TMX1: variants seen among roughly 807,000 people sequenced by gnomAD.
TMX1 encodes the protein thioredoxin related transmembrane protein 1, also known as thioredoxin-related transmembrane protein 1.
TMX1 carries 25 observed loss-of-function variants against 36.6 expected under a neutral mutation model. That is an observed-to-expected ratio of 0.68 (90% CI 0.50 to 0.95). The LOEUF (loss-of-function observed/expected upper bound fraction) is 0.95, where lower values mean the gene tolerates loss of function less well. Among genes scored for constraint, TMX1 ranks in the 40% least tolerant of loss-of-function variants. The probability of loss-of-function intolerance (pLI) is 0.00; values close to 1 mark genes in which losing one functional copy is unlikely to be tolerated. For synonymous variants in TMX1, 133 were observed against 118.0 expected (o/e 1.13, Z -0.82); for missense variants, 347 against 339.6 (o/e 1.02, Z -0.17).
chr14:51,256,174 T>A lies in TMX1; in HGVS notation c.*1655T>A, dbSNP rs775078395. The A allele has an allele frequency of 1.3e-5, 2 of 152,510 alleles. No homozygotes were observed. The highest frequency in any genetic ancestry group is 2.9e-5 in the Non-Finnish European group (2 of 67,986). The allele number at this position is 152,510 out of a possible 1,614,324, so 9.4% of individuals were successfully genotyped here. On this transcript the variant is annotated 3_prime_UTR_variant, in exon 8 of 8. Coordinates refer to ENST00000457354, the MANE Select transcript of TMX1 (RefSeq NM_030755.5). Reference sequence around the variant, plus strand: ...GATATGTGTAATCAAAAGACTGCCTTCTTTTTCTATTGAGATGTTTAAGGA... The same window carrying A: ...GATATGTGTAATCAAAAGACTGCCTACTTTTTCTATTGAGATGTTTAAGGA...
intron 7 of TMX1, among the ~76,000 whole-genome samples, chr14:51,250,012 A>G (rs1266834473): frequency 6.6e-6 from 1 of 152,232 alleles, no homozygotes; most frequent in Admixed American, 6.5e-5. Flanking sequence ...AACATTGCAT[A>G]TAGCATGTAG....
chr14:51,241,953 C>T (rs1044611829), intron 1 of TMX1, among the ~76,000 whole-genome samples: 9 of 152,160 alleles, frequency 5.9e-5, no homozygotes, highest in Non-Finnish European at 1.3e-4. Context: ...CACGGTGAAA[C>T]GCCGTTTGTA....
Position 51,247,156 on chromosome 14 carries a change from A to T in TMX1, c.379A>T (p.Ile127Leu), listed in dbSNP as rs1468732249. ...GACTAAGAAGGACTTCATAAACTTTATAAGTGATAAAGAGTGGAAGAGTAT... is the reference window on the plus strand; with the variant it reads ...GACTAAGAAGGACTTCATAAACTTTTTAAGTGATAAAGAGTGGAAGAGTAT... ...PRTKKDFINF[I>L]SDKEWKSIEP... Residue 127 changes from isoleucine to leucine, a missense_variant, in exon 4 of 8, where the codon ATA becomes TTA. Ile to Leu is a conservative substitution (Grantham distance 5). Coordinates refer to ENST00000457354, the MANE Select transcript of TMX1 (RefSeq NM_030755.5). The T allele has an allele frequency of 6.2e-7, 1 of 1,613,500 alleles. No individual in the cohort carries two copies. Among genetic ancestry groups the T allele is most frequent in the Non-Finnish European group, 8.5e-7 (1 of 1,179,848 alleles).
chr14:51,253,163 T>G (rs1316311759), intron 7 of TMX1, among the ~76,000 whole-genome samples: 1 of 152,190 alleles, frequency 6.6e-6, no homozygotes, highest in Non-Finnish European at 1.5e-5. Flanking sequence ...ACTATTGACG[T>G]TTTTGGCCAG....
At chr14:51,245,067 T>C (rs2065778966) in intron 2 of TMX1, among the ~76,000 whole-genome samples, 1 of 152,204 alleles carries the variant, frequency 6.6e-6, no homozygotes, top group Non-Finnish European at 1.5e-5. Flanking sequence ...TTGAAGTGTT[T>C]TTATTTAAAA....
At chr14:51,254,140 T>C in intron 7 of TMX1, 1 of 408,114 alleles carries the variant, frequency 2.5e-6, no homozygotes, top group Non-Finnish European at 4.3e-6. Flanking sequence ...CTTTGATAAC[T>C]AAAATGGCTC....
At position 51,255,180 on chromosome 14, in the gene TMX1, T is replaced by G. The variant is rs2139860360; in HGVS notation, c.*661T>G. The G allele has an allele frequency of 6.6e-6, 1 of 152,194 alleles. No individual in the cohort carries two copies. Among genetic ancestry groups the G allele is most frequent in the East Asian group, 1.9e-4 (1 of 5,190 alleles). 9.4% of individuals were successfully genotyped at this position (152,194 alleles called of 1,614,324 possible). A position where few individuals can be genotyped will look rare whatever the true frequency, so the allele number is the denominator to read the frequency against. On this transcript the variant is annotated 3_prime_UTR_variant, in exon 8 of 8. Coordinates refer to ENST00000457354, the MANE Select transcript of TMX1 (RefSeq NM_030755.5). ...ACAAAGTTTGATTTTCTCTTGTATT[T>G]TTCTTACTTACTATGGGTTACATTT... is the stretch of plus-strand genomic sequence containing the variant.
At position 51,254,410 on chromosome 14, in the gene TMX1, A is replaced by C; in HGVS notation, c.734A>C (p.Asp245Ala). The C allele has an allele frequency of 6.2e-7, 1 of 1,612,402 alleles. No homozygotes were observed. Among genetic ancestry groups the C allele is most frequent in the Non-Finnish European group, 8.5e-7 (1 of 1,179,042 alleles). The change falls in exon 8 of 8, where the codon GAT (aspartate) becomes GCT (alanine). Residue 245 changes from aspartate (D) to alanine (A), a missense_variant. By Grantham distance (126) the Asp-to-Ala change is moderately radical. Coordinates refer to ENST00000457354, the MANE Select transcript of TMX1 (RefSeq NM_030755.5). ...VEEEQEADEE[D>A]VSEEEAESKE... ...GAGGAACAAGAGGCGGATGAAGAAGATGTTTCAGAAGAAGAAGCTGAAAGT... is the reference window on the plus strand; with the variant it reads ...GAGGAACAAGAGGCGGATGAAGAAGCTGTTTCAGAAGAAGAAGCTGAAAGT...
intron 3 of TMX1, 27 bp from the exon 4 acceptor site, chr14:51,247,064 GA>G (rs767769104): frequency 2.5e-6 from 4 of 1,585,162 alleles, no homozygotes; most frequent in African/African-American, 2.7e-5. Context: ...CTCAGTGCTG[GA>G]TAATATTTAA....
intron 3 of TMX1, among the ~76,000 whole-genome samples, chr14:51,246,298 C>CT (rs1439768114): frequency 2.3e-4 from 35 of 152,066 alleles, no homozygotes; most frequent in Admixed American, 2.3e-3. Flanking sequence ...TTACCATATC[C>CT]TTTCTCCTGT....
In TMX1 at chr14:51,255,301, G is replaced by A. The variant is rs775562905; in HGVS notation, c.*782G>A. On this transcript the variant is annotated 3_prime_UTR_variant, in exon 8 of 8. Coordinates refer to ENST00000457354, the MANE Select transcript of TMX1 (RefSeq NM_030755.5). ...TGTTTCAAACTGAAGTTTACTGAGA[G>A]ATCCATCAAATTGAACAATCTGTTG... is the stretch of plus-strand genomic sequence containing the variant. The A allele has an allele frequency of 1.3e-5, 2 of 151,660 alleles. No homozygotes were observed. Among genetic ancestry groups the A allele is most frequent in the African/African-American group, 2.4e-5 (1 of 41,330 alleles). The allele number at this position is 151,660 out of a possible 1,614,324, so 9.4% of individuals were successfully genotyped here. A position where few individuals can be genotyped will look rare whatever the true frequency, so the allele number is the denominator to read the frequency against.
chr14:51,249,868 T>C, intron 7 of TMX1, 103 bp downstream of exon 7: 1 of 835,728 alleles, frequency 1.2e-6, no homozygotes, highest in Non-Finnish European at 1.8e-6. Context: ...CTTAGAATTC[T>C]AACTGTGGAT....
In TMX1 at chr14:51,256,134, C is replaced by T. The variant is rs2065837118; in HGVS notation, c.*1615C>T. On this transcript the variant is annotated 3_prime_UTR_variant, in exon 8 of 8. Transcript: ENST00000457354. Reference sequence around the variant, plus strand: ...ATGTTCAGATGAGTAGTTGTGTGTTCCTATATATGTACTTGATATGTGTAA... The same window carrying T: ...ATGTTCAGATGAGTAGTTGTGTGTTTCTATATATGTACTTGATATGTGTAA... 1 of 152,416 alleles carries T rather than the reference C, an allele frequency of 6.6e-6. No individual in the cohort carries two copies. The highest frequency in any genetic ancestry group is 2.4e-5 in the African/African-American group (1 of 41,490). 9.4% of individuals were successfully genotyped at this position (152,416 alleles called of 1,614,324 possible). A position where few individuals can be genotyped will look rare whatever the true frequency, so the allele number is the denominator to read the frequency against.
chr14:51,251,668 A>C (rs2065814325), intron 7 of TMX1, among the ~76,000 whole-genome samples: 1 of 152,118 alleles, frequency 6.6e-6, no homozygotes, highest in Admixed American at 6.5e-5. Context: ...GATTTCTCTG[A>C]GGATGTAGGT....
Position 51,246,952 on chromosome 14 carries a change from G to A in TMX1, c.315-140G>A. The A allele has an allele frequency of 6.2e-6, 4 of 642,692 alleles. No homozygotes were observed. The South Asian group carries it at 1.4e-4, about 23-fold the overall frequency. The allele number at this position is 642,692 out of a possible 1,614,324, so 39.8% of individuals were successfully genotyped here. Reference sequence around the variant, plus strand: ...CTAAAATGTCATGAGTAGGTAAATAGTATAATTTGCTATTAATACTTGTAC... The same window carrying A: ...CTAAAATGTCATGAGTAGGTAAATAATATAATTTGCTATTAATACTTGTAC... On this transcript the variant is annotated intron_variant, in intron 3 of 7. Coordinates refer to ENST00000457354, the MANE Select transcript of TMX1 (RefSeq NM_030755.5).
intron 7 of TMX1, among the ~76,000 whole-genome samples, chr14:51,253,018 AACCATAG>A (rs1404885376): frequency 1.3e-5 from 2 of 152,200 alleles, no homozygotes; most frequent in African/African-American, 2.4e-5. Flanking sequence ...GGTTAGAGAA[AACCATAG>A]TCACAATCTA....
chr14:51,249,824 T>C, intron 7 of TMX1, 59 bp downstream of exon 7: 1 of 1,311,316 alleles, frequency 7.6e-7, no homozygotes, highest in South Asian at 1.3e-5. Context: ...ATTTCTGTAA[T>C]CACAATCACA....
At chr14:51,246,432 C>T (rs147538757) in intron 3 of TMX1, among the ~76,000 whole-genome samples, 7 of 152,148 alleles carry the variant, frequency 4.6e-5, no homozygotes, top group Non-Finnish European at 1.0e-4. Flanking sequence ...TAAAGGGTCC[C>T]TTAACCCTAC....
At chr14:51,245,400 A>C in intron 3 of TMX1, 42 bp downstream of exon 3, 2 of 1,610,668 alleles carry the variant, frequency 1.2e-6, no homozygotes, top group Non-Finnish European at 1.7e-6. Context: ...AGGATGCATT[A>C]TAGTGTAATC....
Sources: gnomAD v4.1 joint callset for allele counts (sites outside exome capture counted in the v4.1 genomes callset) on GRCh38, gnomAD v4.1.1 for gene constraint, MANE v1.5 for transcripts, NCBI Gene and HGNC (gene_info 2026-07-23, HGNC 2026-07-21) for gene names.